The following MIA3 variants were observed in gnomAD, a reference collection of about 807,000 sequenced individuals.
The protein encoded by MIA3 is transport and Golgi organization protein 1 homolog.
In MIA3, 90 loss-of-function variants were observed where a neutral mutation model predicts 192.4. That is an observed-to-expected ratio of 0.47 (90% confidence interval 0.39 to 0.56). The LOEUF is 0.56. Ranked by LOEUF, MIA3 falls within the 20% of genes least tolerant of loss-of-function variation. The pLI, the probability that MIA3 is intolerant of heterozygous loss-of-function variation, is 0.00. For missense variants in MIA3, 2,123 were observed against 2,269.4 expected (o/e 0.94, Z 1.31); for synonymous variants, 740 against 792.8 (o/e 0.93, Z 1.12).
intron 2 of MIA3, among the ~76,000 whole-genome samples, chr1:222,621,861 T>C (rs1661880332): frequency 6.7e-6 from 1 of 148,534 alleles, no homozygotes. Flanking sequence ...CAGGCTGGAG[T>C]GCCGTGGCGC....
intron 2 of MIA3, among the ~76,000 whole-genome samples, chr1:222,622,954 G>T (rs1363249317): frequency 6.6e-6 from 1 of 152,196 alleles, no homozygotes; most frequent in Non-Finnish European, 1.5e-5. Context: ...CACTTTGTTT[G>T]CACTGTTCAT....
chr1:222,635,357 T>C (rs571930930), intron 6 of MIA3, among the ~76,000 whole-genome samples: 1 of 152,270 alleles, frequency 6.6e-6, no homozygotes, highest in East Asian at 1.9e-4. Flanking sequence ...AGGAGTGGTG[T>C]AGGATACGAT....
intron 15 of MIA3, 92 bp downstream of exon 15, chr1:222,653,431 A>G (rs1014978951): frequency 1.3e-6 from 1 of 769,888 alleles, no homozygotes; most frequent in Admixed American, 2.3e-5. Flanking sequence ...TTTCCTCTTA[A>G]GCTTTCGAGG....
chr1:222,663,194 T>A (rs1221911433), intron 26 of MIA3, among the ~76,000 whole-genome samples: 2 of 152,218 alleles, frequency 1.3e-5, no homozygotes, highest in African/African-American at 2.4e-5. Flanking sequence ...TGTGCCTGTA[T>A]AATTTGTGTA....
intron 6 of MIA3, chr1:222,641,608 C>A: frequency 1.9e-6 from 1 of 527,634 alleles, no homozygotes; most frequent in South Asian, 1.4e-5. Flanking sequence ...GTACCCAGTT[C>A]CTACATCAAT....
At position 222,660,003 on chromosome 1, in the gene MIA3, A is replaced by G; in HGVS notation, c.4972A>G (p.Arg1658Gly). ...ACCAAATACACAAAACCCTCCACGGAGAGGTAAGGGAGCTACCTTGTAAAG... is the reference window on the plus strand; with the variant it reads ...ACCAAATACACAAAACCCTCCACGGGGAGGTAAGGGAGCTACCTTGTAAAG... ...GKPNTQNPPR[R>G]GPLSQNGSFG... The change falls in exon 23 of 28, where the codon AGA becomes GGA. Residue 1658 changes from arginine (R) to glycine (G), a missense_variant. Physicochemically the swap from Arg to Gly is moderately radical, Grantham distance 125. This residue lies in a region of MIA3 where 762 missense variants were observed against 856.4 expected (regional missense o/e 0.89). Coordinates refer to ENST00000344922, the MANE Select transcript of MIA3 (RefSeq NM_198551.4). 1 of 1,612,084 alleles carries G rather than the reference A, an allele frequency of 6.2e-7. No homozygotes were observed. The highest frequency in any genetic ancestry group is 8.5e-7 in the Non-Finnish European group (1 of 1,178,536).
At position 222,664,053 on chromosome 1, in the gene MIA3, C is replaced by G. The variant is rs994980275; in HGVS notation, c.5318C>G (p.Thr1773Ser). Reference protein sequence around the residue: ...PPFPGVPLMSTPMGGPVPPPI... With the variant: ...PPFPGVPLMSSPMGGPVPPPI... ...TTCCCAGGAGTCCCTCTCATGAGCACCCCCATGGGAGGCCCTGTACCACCA... is the reference window on the plus strand; with the variant it reads ...TTCCCAGGAGTCCCTCTCATGAGCAGCCCCATGGGAGGCCCTGTACCACCA... Residue 1773 changes from threonine (T) to serine (S), a missense_variant, in exon 27 of 28, where the codon ACC becomes AGC. Transcript: ENST00000344922. The G allele has an allele frequency of 6.2e-7, 1 of 1,613,722 alleles. No individual in the cohort carries two copies. Among genetic ancestry groups the G allele is most frequent in the Non-Finnish European group, 8.5e-7 (1 of 1,179,604 alleles).
chr1:222,654,681 C>T lies in MIA3; in HGVS notation c.4495C>T (p.Arg1499Cys), dbSNP rs776888191. 16 of 1,613,824 alleles carry T rather than the reference C, an allele frequency of 9.9e-6. No homozygotes were observed. Among genetic ancestry groups the T allele is most frequent in the Middle Eastern group, 1.6e-4 (1 of 6,084 alleles). ...CCAGGTAAAGAAATTGGAAGATGAC[C>T]GCAACTCACTACAAGCTGCCAAAGC... ...EDQVKKLEDDRNSLQAAKAGL... is the reference protein window; with the variant it reads ...EDQVKKLEDDCNSLQAAKAGL... The change falls in exon 18 of 28, where the codon CGC becomes TGC. Residue 1499 changes from arginine to cysteine, a missense_variant. This residue lies in a region of MIA3 where 762 missense variants were observed against 856.4 expected (regional missense o/e 0.89). Coordinates refer to ENST00000344922, the MANE Select transcript of MIA3 (RefSeq NM_198551.4).
intron 27 of MIA3, 173 bp from the exon 28 acceptor site, chr1:222,665,136 C>G: frequency 1.7e-6 from 1 of 578,506 alleles, no homozygotes; most frequent in Non-Finnish European, 3.0e-6. Flanking sequence ...GAGATTGAGG[C>G]TGCAGTGAGC....
intron 27 of MIA3, among the ~76,000 whole-genome samples, chr1:222,664,375 T>C (rs1664175360): frequency 1.3e-5 from 2 of 152,206 alleles, no homozygotes; most frequent in African/African-American, 4.8e-5. Context: ...AGGGGCTATT[T>C]ATAAAAAGCC....
chr1:222,625,248 G>T (rs571450859), intron 3 of MIA3, among the ~76,000 whole-genome samples: 5 of 152,030 alleles, frequency 3.3e-5, no homozygotes, highest in African/African-American at 4.8e-5. Flanking sequence ...CTCATGATCC[G>T]CCCGCCTCAG....
In MIA3 at chr1:222,628,467, A is replaced by T. The variant is rs1192184613; in HGVS notation, c.1247A>T (p.Asp416Val). 6 of 1,612,770 alleles carry T rather than the reference A, an allele frequency of 3.7e-6. No individual in the cohort carries two copies. Among genetic ancestry groups the T allele is most frequent in the Non-Finnish European group, 5.1e-6 (6 of 1,179,662 alleles). The change falls in exon 4 of 28, where the codon GAT becomes GTT. Residue 416 changes from aspartate (D) to valine (V), a missense_variant. Transcript: ENST00000344922. ...TCAGAGGAAGAAAAAGAAGATGATG[A>T]TGATGCATTAGTCCCAGATAGCAAA... ...SSSEEEKEDD[D>V]DALVPDSKQG... is the part of the protein sequence containing the mutation.
At chr1:222,652,379 T>A (rs750798686) in intron 13 of MIA3, 47 bp downstream of exon 13, 1 of 1,154,504 alleles carries the variant, frequency 8.7e-7, no homozygotes, top group East Asian at 2.3e-5. Context: ...GAGAACTCAG[T>A]ATCATACCTC....
intron 3 of MIA3, among the ~76,000 whole-genome samples, chr1:222,625,230 C>T (rs1465604707): frequency 6.6e-6 from 1 of 152,182 alleles, no homozygotes; most frequent in African/African-American, 2.4e-5. Context: ...TGGTCTCGAT[C>T]TCCTGACCTC....
rs549561377 is a variant in MIA3, at chr1:222,665,356, G to A, written c.5461G>A (p.Val1821Ile). ...PLGLREFAPG[V>I]PPGRRDLPLH... The stretch of plus-strand genomic sequence containing the variant: ...AGGCTTAAGAGAATTTGCACCAGGC[G>A]TTCCACCAGGAAGACGGGACCTGCC... The change falls in exon 28 of 28, where the codon GTT (valine) becomes ATT (isoleucine). Residue 1821 changes from valine (V) to isoleucine (I), a missense_variant. Coordinates refer to ENST00000344922, the MANE Select transcript of MIA3 (RefSeq NM_198551.4). 124 of 1,613,844 alleles carry A rather than the reference G, an allele frequency of 7.7e-5. No homozygotes were observed. The highest frequency in any genetic ancestry group is 1.6e-4 in the South Asian group (15 of 91,068).
In MIA3 at chr1:222,654,830, A is replaced by G. The variant is rs183904556; in HGVS notation, c.4607+37A>G. The G allele has an allele frequency of 2.3e-4, 353 of 1,564,070 alleles. 1 individual carries two copies. The East Asian group carries it at 7.0e-3, about 31-fold the overall frequency. Reference sequence around the variant, plus strand: ...ATCATTTACTGTTAACTGTATTGTCATGTCAGTAAATAAATGTGTACTAAT... The same window carrying G: ...ATCATTTACTGTTAACTGTATTGTCGTGTCAGTAAATAAATGTGTACTAAT... On this transcript the variant is annotated intron_variant, in intron 18 of 27. Coordinates refer to ENST00000344922, the MANE Select transcript of MIA3 (RefSeq NM_198551.4).
intron 6 of MIA3, among the ~76,000 whole-genome samples, chr1:222,637,400 T>G (rs1662675190): frequency 6.6e-6 from 1 of 152,212 alleles, no homozygotes. Flanking sequence ...TAAAATTCTC[T>G]TTATATTGTT....
intron 6 of MIA3, among the ~76,000 whole-genome samples, chr1:222,639,206 C>G (rs1439030735): frequency 6.6e-6 from 1 of 152,142 alleles, no homozygotes; most frequent in Non-Finnish European, 1.5e-5. Context: ...CAGGAAGAAA[C>G]AGATAACCTT....
intron 26 of MIA3, among the ~76,000 whole-genome samples, chr1:222,662,703 ATTAAC>A (rs547673630): frequency 7.9e-5 from 12 of 152,124 alleles, no homozygotes; most frequent in Non-Finnish European, 1.5e-4. Flanking sequence ...TGTAACTGTA[ATTAAC>A]TTAAACAAAA....
Sources: allele counts gnomAD v4.1 joint callset (sites outside exome capture counted in the v4.1 genomes callset), GRCh38; gene constraint gnomAD v4.1.1; regional missense constraint gnomAD v4.1.1; transcripts MANE v1.5; gene names NCBI Gene and HGNC (gene_info 2026-07-23, HGNC 2026-07-21).